The following SCARB2 variants were observed in gnomAD, a reference collection of about 807,000 sequenced individuals.
SCARB2 encodes lysosome membrane protein 2.
A neutral mutation model predicts 58.6 loss-of-function variants in SCARB2; 29 were observed. The observed-to-expected ratio is 0.49, with a 90% CI of 0.37 to 0.67. SCARB2 has a LOEUF of 0.67. SCARB2 is among the 30% of genes least tolerant of loss of function. The pLI is 0.00. For missense variants in SCARB2, 488 were observed against 578.5 expected (o/e 0.84, Z 1.60); for synonymous variants, 195 against 210.1 (o/e 0.93, Z 0.62).
Position 76,159,033 on chromosome 4 carries a change from G to A in SCARB2, c.*2680C>T, listed in dbSNP as rs1477320079. On this transcript the variant is annotated 3_prime_UTR_variant, in exon 12 of 12. Coordinates refer to ENST00000264896, the MANE Select transcript of SCARB2 (RefSeq NM_005506.4). ...GTGCTTGTTCCACTTGACCATTAGT[G>A]ATCTTTCTAGAACATGAGGAAATCA... 6.6e-6 allele frequency: 1 copy of A among 152,192 alleles called. No homozygotes were observed. Among genetic ancestry groups the A allele is most frequent in the Non-Finnish European group, 1.5e-5 (1 of 68,040 alleles). The allele number at this position is 152,192 out of a possible 1,614,324, so 9.4% of individuals were successfully genotyped here.
At chr4:76,210,382 A>C (rs935199251) in intron 1 of SCARB2, among the ~76,000 whole-genome samples, 11 of 152,196 alleles carry the variant, frequency 7.2e-5, no homozygotes, top group Admixed American at 6.5e-4. Flanking sequence ...TAAAATGATC[A>C]CAGGCGAGTG....
intron 1 of SCARB2, among the ~76,000 whole-genome samples, chr4:76,210,725 G>A (rs1039673320): frequency 2.6e-5 from 4 of 152,186 alleles, no homozygotes; most frequent in African/African-American, 9.6e-5. Flanking sequence ...AAACAAAATT[G>A]TCTTGGTTCC....
chr4:76,173,080 A>G (rs1017884017), intron 7 of SCARB2: 1 of 152,210 alleles, frequency 6.6e-6, no homozygotes, highest in African/African-American at 2.4e-5. Context: ...ACTATCTAGT[A>G]AGTTCATTGT....
upstream of SCARB2, among the ~76,000 whole-genome samples, chr4:76,214,774 G>A (rs1328734050): frequency 6.6e-6 from 1 of 152,144 alleles, no homozygotes; most frequent in East Asian, 1.9e-4. Flanking sequence ...AATACCCTTG[G>A]CAGTCCTATG....
chr4:76,217,625 G>A (rs766694425), upstream of SCARB2: 76 of 643,942 alleles, frequency 1.2e-4, no homozygotes, highest in Admixed American at 8.5e-4. Context: ...TGTCTGTGCC[G>A]TGCGTCTTGT....
At chr4:76,203,697 T>G (rs923412183) in intron 1 of SCARB2, among the ~76,000 whole-genome samples, 6 of 151,942 alleles carry the variant, frequency 3.9e-5, no homozygotes, top group African/African-American at 1.4e-4. Context: ...GGCTGACACC[T>G]GACCTGCAGA....
chr4:76,213,130 TG>T lies in SCARB2; in HGVS notation c.117+296del, dbSNP rs78406257. 44,284 of 400,380 alleles carry T rather than the reference TG, an allele frequency of 0.11. 3,675 individuals carry two copies. Among genetic ancestry groups the T allele is most frequent in the East Asian group, 0.33 (5,944 of 17,796 alleles). The allele number at this position is 400,380 out of a possible 1,614,324, so 24.8% of individuals were successfully genotyped here. ...AAACAAGTTTGGGCCCACCTGAGAT[TG>T]GGGTGTAGACGGAAGGAGTGGGGAG... On this transcript the variant is annotated intron_variant, in intron 1 of 11. Coordinates refer to ENST00000264896, the MANE Select transcript of SCARB2 (RefSeq NM_005506.4).
At chr4:76,189,427 C>A (rs117265839) in intron 2 of SCARB2, among the ~76,000 whole-genome samples, 1 of 152,094 alleles carries the variant, frequency 6.6e-6, no homozygotes, top group Admixed American at 6.6e-5. Context: ...TCCTTTTTCA[C>A]GTGGCAGCAG....
At chr4:76,177,120 A>G (rs775312059) in intron 4 of SCARB2, 3 of 152,226 alleles carry the variant, frequency 2.0e-5, no homozygotes, top group Non-Finnish European at 4.4e-5. Flanking sequence ...AATAGTGACT[A>G]TTTTGCTAAA....
At chr4:76,215,324 T>G (rs1398103297), upstream of SCARB2, among the ~76,000 whole-genome samples, 1 of 152,066 alleles carries the variant, frequency 6.6e-6, no homozygotes, top group Non-Finnish European at 1.5e-5. Flanking sequence ...GGTTGCTGAG[T>G]GGTGGATCCT....
intron 1 of SCARB2, among the ~76,000 whole-genome samples, chr4:76,219,724 G>T (rs952612961): frequency 6.6e-6 from 1 of 152,054 alleles, no homozygotes; most frequent in Non-Finnish European, 1.5e-5. Flanking sequence ...TAGGGGTGCA[G>T]TAGTGGAATG....
At chr4:76,166,388 C>G in intron 9 of SCARB2, 87 bp from the exon 10 acceptor site, 1 of 1,323,966 alleles carries the variant, frequency 7.6e-7, no homozygotes, top group Non-Finnish European at 1.1e-6. Context: ...TATGAAGATT[C>G]TAGTACACTT....
At chr4:76,205,037 T>C (rs539615046) in intron 1 of SCARB2, among the ~76,000 whole-genome samples, 2 of 152,146 alleles carry the variant, frequency 1.3e-5, no homozygotes, top group South Asian at 2.1e-4. Context: ...TGGATAACAA[T>C]ATATTGGGCC....
chr4:76,171,168 G>A (rs1732121973), intron 7 of SCARB2, among the ~76,000 whole-genome samples: 1 of 151,982 alleles, frequency 6.6e-6, no homozygotes, highest in Non-Finnish European at 1.5e-5. Context: ...ACATGCACAT[G>A]CATTTTGCTG....
chr4:76,197,625 C>A (rs985732859), intron 1 of SCARB2, among the ~76,000 whole-genome samples: 4 of 152,152 alleles, frequency 2.6e-5, no homozygotes, highest in African/African-American at 9.7e-5. Context: ...TTAACAGAAA[C>A]CTAACACCTG....
chr4:76,202,728 G>A (rs959214718), intron 1 of SCARB2, among the ~76,000 whole-genome samples: 10 of 152,078 alleles, frequency 6.6e-5, no homozygotes, highest in African/African-American at 2.4e-4. Context: ...CTCTGGTCTA[G>A]TCATATATAT....
intron 1 of SCARB2, among the ~76,000 whole-genome samples, chr4:76,204,837 TTACC>T (rs1732897578): frequency 1.3e-5 from 2 of 152,346 alleles, no homozygotes; most frequent in South Asian, 4.1e-4. Context: ...AATATTTTCA[TTACC>T]TACCTATTTC....
At chr4:76,228,016 G>A (rs1733427982) in intron 1 of SCARB2, among the ~76,000 whole-genome samples, 1 of 151,870 alleles carries the variant, frequency 6.6e-6, no homozygotes, top group South Asian at 2.1e-4. Flanking sequence ...GAACATTTAG[G>A]CCATTTACAT....
intron 1 of SCARB2, among the ~76,000 whole-genome samples, chr4:76,220,512 A>C (rs981540672): frequency 5.3e-5 from 8 of 152,200 alleles, no homozygotes; most frequent in Non-Finnish European, 1.0e-4. Context: ...CTATAGTCCC[A>C]GCTTACTTAT....
Sources: gnomAD v4.1 joint callset for allele counts (sites outside exome capture counted in the v4.1 genomes callset) on GRCh38, gnomAD v4.1.1 for gene constraint, MANE v1.5 for transcripts, NCBI Gene and HGNC (gene_info 2026-07-23, HGNC 2026-07-21) for gene names.